PTPN13: variants seen among roughly 807,000 people sequenced by gnomAD.
PTPN13 encodes the protein protein tyrosine phosphatase non-receptor type 13.
PTPN13 carries 191 observed loss-of-function variants against 284.0 expected under a neutral mutation model. That is an observed-to-expected ratio of 0.67 (90% CI 0.60 to 0.76). PTPN13 has a LOEUF of 0.76. Ranked by LOEUF, PTPN13 falls within the 30% of genes least tolerant of loss-of-function variation. The pLI is 0.00. For synonymous variants in PTPN13, 986 were observed against 1,022.3 expected (o/e 0.96, Z 0.68); for missense variants, 2,797 against 2,939.9 (o/e 0.95, Z 1.12).
intron 20 of PTPN13, among the ~76,000 whole-genome samples, chr4:86,755,288 T>C (rs1239936038): frequency 6.6e-6 from 1 of 151,880 alleles, no homozygotes; most frequent in Non-Finnish European, 1.5e-5. Flanking sequence ...TCTCACACTT[T>C]GAAAAGGTGA....
chr4:86,663,484 TA>T (rs1447184985), intron 2 of PTPN13, among the ~76,000 whole-genome samples: 20 of 152,292 alleles, frequency 1.3e-4, no homozygotes, highest in African/African-American at 4.1e-4. Context: ...TTCCTCCAGC[TA>T]TACAAAGGGC....
chr4:86,803,742 T>C lies in PTPN13; in HGVS notation c.6539T>C (p.Val2180Ala). The change falls in exon 43 of 48, where the codon GTA becomes GCA. Residue 2180 changes from valine (V) to alanine (A), a missense_variant. Transcript: ENST00000411767. ...HSFLTNDELA[V>A]LPVVKVLPSG... ...TTTCTGACAAACGATGAGCTCGCTG[T>C]ACTCCCTGTCGTCAAAGTGCTTCCC... The C allele has an allele frequency of 6.2e-7, 1 of 1,613,924 alleles. No homozygotes were observed. Among genetic ancestry groups the C allele is most frequent in the Non-Finnish European group, 8.5e-7 (1 of 1,179,828 alleles).
chr4:86,734,196 C>G, intron 12 of PTPN13, 107 bp from the exon 13 acceptor site: 1 of 884,206 alleles, frequency 1.1e-6, no homozygotes, highest in Non-Finnish European at 1.7e-6. Flanking sequence ...TATTTATATT[C>G]TCATATGATA....
At position 86,735,721 on chromosome 4, in the gene PTPN13, A is replaced by G; in HGVS notation, c.2279A>G (p.Lys760Arg). 1 of 1,611,302 alleles carries G rather than the reference A, an allele frequency of 6.2e-7. No individual in the cohort carries two copies. The highest frequency in any genetic ancestry group is 1.1e-5 in the South Asian group (1 of 90,160). ...AATACCTATGTGGGAGCTTCTGAAA[A>G]AGAGACAGAGTTAGAATTTTTAAAG... is the stretch of plus-strand genomic sequence containing the variant. Reference protein sequence around the residue: ...LHNTYVGASEKETELEFLKVC... With the variant: ...LHNTYVGASERETELEFLKVC... Residue 760 changes from lysine to arginine, a missense_variant, in exon 15 of 48, where the codon AAA becomes AGA. By Grantham distance (26) the Lys-to-Arg change is conservative. Transcript: ENST00000411767.
intron 32 of PTPN13, among the ~76,000 whole-genome samples, chr4:86,773,440 T>G (rs1412096090): frequency 1.3e-5 from 2 of 152,170 alleles, no homozygotes; most frequent in African/African-American, 4.8e-5. Flanking sequence ...TTTTTTTGTG[T>G]GCTCAGATGG....
intron 5 of PTPN13, among the ~76,000 whole-genome samples, chr4:86,691,854 C>T (rs1056351673): frequency 1.3e-5 from 2 of 152,062 alleles, no homozygotes; most frequent in African/African-American, 4.8e-5. Context: ...TCTGAGTGAC[C>T]ATCATTCTTA....
rs528296613 is a variant in PTPN13, at chr4:86,740,917, AAAAAAG to A, written c.2305-700_2305-695del. Among the ~76,000 whole-genome samples the A allele has an allele frequency of 1.2e-3, 188 of 152,132 alleles. 1 individual carries two copies. The highest frequency in any genetic ancestry group is 4.1e-3 in the African/African-American group (171 of 41,528). On this transcript the variant is annotated intron_variant, in intron 15 of 47. Transcript: ENST00000411767. ...AAATGCTGCCAATCTCTTTGCAAAA[AAAAAAG>A]AAAAAGAAAAAGAAAATAACAAGAG...
chr4:86,646,107 A>G (rs1398969244), intron 2 of PTPN13, among the ~76,000 whole-genome samples: 1 of 152,070 alleles, frequency 6.6e-6, no homozygotes, highest in African/African-American at 2.4e-5. Context: ...GTTCTTAAAA[A>G]AAAATGAGAC....
At chr4:86,646,852 A>G (rs1724492181) in intron 2 of PTPN13, among the ~76,000 whole-genome samples, 1 of 152,242 alleles carries the variant, frequency 6.6e-6, no homozygotes, top group African/African-American at 2.4e-5. Flanking sequence ...AAATTGTGAT[A>G]TATTCATATA....
rs1407297477 is a variant in PTPN13 at position 86,765,489 on chromosome 4, G to A, written c.4243+1G>A. ...GAGTCTGATGGTAGAATTCACAAAG[G>A]TATAGTGTTTATATTATGTGGGAAT... On this transcript the variant is annotated splice_donor_variant, in intron 26 of 47. Coordinates refer to ENST00000411767, the MANE Select transcript of PTPN13 (RefSeq NM_080683.3). LOFTEE classifies it high-confidence loss of function. 1.3e-6 allele frequency: 2 copies of A among 1,567,102 alleles called. No homozygotes were observed. Among genetic ancestry groups the A allele is most frequent in the Non-Finnish European group, 8.7e-7 (1 of 1,152,708 alleles).
intron 1 of PTPN13, among the ~76,000 whole-genome samples, chr4:86,605,329 A>T (rs1431528352): frequency 6.6e-6 from 1 of 151,904 alleles, no homozygotes; most frequent in East Asian, 1.9e-4. Flanking sequence ...ATGGGGGATG[A>T]TATTTGGTTT....
intron 40 of PTPN13, among the ~76,000 whole-genome samples, chr4:86,789,264 T>G (rs946208987): frequency 5.9e-5 from 9 of 152,250 alleles, no homozygotes; most frequent in African/African-American, 1.9e-4. Flanking sequence ...TTTTAATGGC[T>G]TTAATTTCTT....
At position 86,809,852 on chromosome 4, in the gene PTPN13, T is replaced by G; in HGVS notation, c.7167T>G (p.Leu2389=). The G allele has an allele frequency of 6.2e-7, 1 of 1,614,028 alleles. No homozygotes were observed. The highest frequency in any genetic ancestry group is 8.5e-7 in the Non-Finnish European group (1 of 1,179,900). Residue 2389 remains leucine, a synonymous_variant, in exon 46 of 48, where the codon CTT becomes CTG. Coordinates refer to ENST00000411767, the MANE Select transcript of PTPN13 (RefSeq NM_080683.3). ...HDTPSQPDDL[L]TFISYMRHIH... is the part of the protein sequence containing the mutation. The stretch of plus-strand genomic sequence containing the variant: ...CACCTTCTCAACCAGATGATCTGCT[T>G]ACTTTTATCTCCTACATGAGACACA...
intron 1 of PTPN13, among the ~76,000 whole-genome samples, chr4:86,607,492 C>T: frequency 6.6e-6 from 1 of 151,936 alleles, no homozygotes; most frequent in Non-Finnish European, 1.5e-5. Context: ...GAGGTACACG[C>T]AATCCTGTGA....
chr4:86,684,194 G>A (rs1578410086), intron 3 of PTPN13, among the ~76,000 whole-genome samples: 1 of 152,006 alleles, frequency 6.6e-6, no homozygotes, highest in East Asian at 1.9e-4. Context: ...ATCAAAGTGT[G>A]GTGCAGAAAT....
chr4:86,631,999 A>G (rs1212060175), intron 1 of PTPN13, among the ~76,000 whole-genome samples: 2 of 152,098 alleles, frequency 1.3e-5, no homozygotes, highest in African/African-American at 4.8e-5. Flanking sequence ...AATGGGATAC[A>G]TAACATATCA....
intron 7 of PTPN13, among the ~76,000 whole-genome samples, chr4:86,710,573 A>G (rs1290279656): frequency 6.6e-6 from 1 of 152,222 alleles, no homozygotes. Flanking sequence ...TATAGTGTAC[A>G]TGGTCACATG....
intron 15 of PTPN13, among the ~76,000 whole-genome samples, chr4:86,736,305 A>C (rs192241252): frequency 2.0e-5 from 3 of 152,226 alleles, no homozygotes; most frequent in South Asian, 2.1e-4. Flanking sequence ...TAAATAGTAC[A>C]TTTACGATCA....
At chr4:86,616,879 G>T (rs1720609644) in intron 1 of PTPN13, among the ~76,000 whole-genome samples, 1 of 152,182 alleles carries the variant, frequency 6.6e-6, no homozygotes, top group Admixed American at 6.5e-5. Flanking sequence ...ATACAGGAGT[G>T]TTCTAGACAA....
Sources: gnomAD v4.1 joint callset for allele counts (sites outside exome capture counted in the v4.1 genomes callset) on GRCh38, gnomAD v4.1.1 for gene constraint, MANE v1.5 for transcripts, NCBI Gene and HGNC (gene_info 2026-07-23, HGNC 2026-07-21) for gene names.